The following CNNM2 variants were observed in gnomAD, a reference collection of about 807,000 sequenced individuals.
CNNM2 encodes metal transporter CNNM2.
CNNM2 carries 12 observed loss-of-function variants against 66.9 expected under a neutral mutation model. That is an observed-to-expected ratio of 0.18 (90% CI 0.11 to 0.29). The LOEUF (loss-of-function observed/expected upper bound fraction) is 0.29, where lower values mean the gene tolerates loss of function less well. Among genes scored for constraint, CNNM2 ranks in the 10% least tolerant of loss-of-function variants. The pLI is 1.00. For synonymous variants in CNNM2, 557 were observed against 501.8 expected, an observed-to-expected ratio of 1.11 and a Z score of -1.47; for missense variants, 705 against 1,167.7, an observed-to-expected ratio of 0.60 and a Z score of 5.77.
At chr10:102,981,515 G>A (rs540797938) in intron 1 of CNNM2, among the ~76,000 whole-genome samples, 7 of 151,502 alleles carry the variant, frequency 4.6e-5, no homozygotes, top group East Asian at 2.0e-4. Flanking sequence ...TCAGCCTCCC[G>A]AGTAGCTGGG....
chr10:102,995,172 C>A (rs1458373129), intron 1 of CNNM2, among the ~76,000 whole-genome samples: 58 of 4,992 alleles, frequency 0.012, no homozygotes, highest in Middle Eastern at 0.25. Context: ...TCCTCCTCCC[C>A]CTCTTCCTCC....
chr10:102,992,090 T>A (rs1388446408), intron 1 of CNNM2, among the ~76,000 whole-genome samples: 2 of 152,108 alleles, frequency 1.3e-5, no homozygotes, highest in African/African-American at 4.8e-5. Flanking sequence ...AACTACATAT[T>A]TGTGGACAAT....
chr10:103,002,629 G>A (rs536433220), intron 1 of CNNM2, among the ~76,000 whole-genome samples: 3 of 151,936 alleles, frequency 2.0e-5, no homozygotes, highest in South Asian at 2.1e-4. Flanking sequence ...ACAGGCATGC[G>A]CCACCACACC....
At chr10:103,066,312 C>T (rs1338692016) in intron 4 of CNNM2, among the ~76,000 whole-genome samples, 2 of 152,194 alleles carry the variant, frequency 1.3e-5, no homozygotes, top group Non-Finnish European at 2.9e-5. Flanking sequence ...GACCTTCTTT[C>T]TCCCACTCGT....
chr10:102,991,389 A>G (rs1271465851), intron 1 of CNNM2, among the ~76,000 whole-genome samples: 1 of 152,220 alleles, frequency 6.6e-6, no homozygotes, highest in Non-Finnish European at 1.5e-5. Context: ...ATGGAAGCAA[A>G]TAAGATATTG....
In CNNM2 at chr10:102,918,379, G is replaced by A; in HGVS notation, c.-102G>A. 2 of 1,519,054 alleles carry A rather than the reference G, an allele frequency of 1.3e-6. No individual in the cohort carries two copies. Among genetic ancestry groups the A allele is most frequent in the Non-Finnish European group, 1.8e-6 (2 of 1,140,108 alleles). The allele number at this position is 1,519,054 out of a possible 1,614,324, so 94.1% of individuals were successfully genotyped here. ...GTCAGTCAGGGAGGCGAACTGCTGA[G>A]CACTGGCCGCGGACGCTCCGTTGCA... On this transcript the variant is annotated 5_prime_UTR_variant, in exon 1 of 8. Coordinates refer to ENST00000369878, the MANE Select transcript of CNNM2 (RefSeq NM_017649.5). The surrounding 1 kb of genome is among the most constrained non-coding windows in gnomAD (Gnocchi z 4.1).
chr10:102,919,005 C>T lies in CNNM2; in HGVS notation c.525C>T (p.Ile175=). ...LNRRTSGIIE[I]EIKPLRKMEK... is the part of the protein sequence containing the mutation. ...GCCGCACCTCGGGCATCATCGAGAT[C>T]GAGATCAAACCGCTACGCAAGATGG... The change falls in exon 1 of 8, where the codon ATC becomes ATT. Residue 175 remains isoleucine (I), a synonymous_variant. Transcript: ENST00000369878. 6.2e-7 allele frequency: 1 copy of T among 1,612,812 alleles called. No homozygotes were observed. Among genetic ancestry groups the T allele is most frequent in the Non-Finnish European group, 8.5e-7 (1 of 1,179,530 alleles).
At chr10:103,056,369 C>T (rs972613511) in intron 3 of CNNM2, among the ~76,000 whole-genome samples, 11 of 152,056 alleles carry the variant, frequency 7.2e-5, no homozygotes, top group Admixed American at 2.0e-4. Context: ...GAGAGGGAGA[C>T]GTGGGGCACC....
At chr10:102,945,544 C>T (rs1022055261) in intron 1 of CNNM2, among the ~76,000 whole-genome samples, 1 of 152,012 alleles carries the variant, frequency 6.6e-6, no homozygotes, top group South Asian at 2.1e-4. Context: ...CTGCTCCCCC[C>T]ACTCCATCCC....
intron 1 of CNNM2, among the ~76,000 whole-genome samples, chr10:102,995,200 C>G (rs2063973444): frequency 4.7e-3 from 1 of 212 alleles, no homozygotes; most frequent in Admixed American, 0.1. Context: ...CCTCTTCCTC[C>G]TCCTTCCTCT....
chr10:102,931,986 A>T (rs1846080030), intron 1 of CNNM2, among the ~76,000 whole-genome samples: 1 of 152,068 alleles, frequency 6.6e-6, no homozygotes, highest in African/African-American at 2.4e-5. Flanking sequence ...CTTTGGAGAA[A>T]TGTCTATGCA....
At chr10:103,043,177 CG>C (rs1040895532) in intron 1 of CNNM2, among the ~76,000 whole-genome samples, 2 of 152,100 alleles carry the variant, frequency 1.3e-5, no homozygotes, top group African/African-American at 2.4e-5. Context: ...TTTCTCATGA[CG>C]GGGGTCTGTT....
At chr10:102,973,136 G>GTT (rs56922284) in intron 1 of CNNM2, among the ~76,000 whole-genome samples, 9 of 146,874 alleles carry the variant, frequency 6.1e-5, no homozygotes, top group African/African-American at 2.2e-4. Context: ...CATCAGTACG[G>GTT]TTTTTTTTTT....
chr10:103,005,264 T>C (rs2064203196), intron 1 of CNNM2, among the ~76,000 whole-genome samples: 1 of 152,176 alleles, frequency 6.6e-6, no homozygotes, highest in South Asian at 2.1e-4. Context: ...TTTTATTTGC[T>C]AGTTCATTCT....
chr10:102,954,855 A>G (rs1199086084), intron 1 of CNNM2, among the ~76,000 whole-genome samples: 1 of 152,184 alleles, frequency 6.6e-6, no homozygotes, highest in Non-Finnish European at 1.5e-5. Flanking sequence ...AAGGAAAACT[A>G]CAAACCACTG....
chr10:103,053,208 T>G (rs2065244006), intron 2 of CNNM2, among the ~76,000 whole-genome samples: 1 of 152,200 alleles, frequency 6.6e-6, no homozygotes, highest in Non-Finnish European at 1.5e-5. Flanking sequence ...GAGTGTCTTT[T>G]CACATCTTAA....
chr10:103,046,060 C>T lies in CNNM2; in HGVS notation c.1622-3647C>T, dbSNP rs117592602. Among the ~76,000 whole-genome samples the T allele has an allele frequency of 5.4e-3, 820 of 152,322 alleles. 8 individuals carry two copies. Among genetic ancestry groups the T allele is most frequent in the Non-Finnish European group, 8.9e-3 (605 of 68,032 alleles). ...TTTAGGAAAAACATTAATAAAATAA[C>T]GAGCATTACCACTTAGTGATCACCC... On this transcript the variant is annotated intron_variant, in intron 1 of 7. Transcript: ENST00000369878.
chr10:102,958,024 C>T (rs1389037424), intron 1 of CNNM2, among the ~76,000 whole-genome samples: 1 of 152,204 alleles, frequency 6.6e-6, no homozygotes, highest in Admixed American at 6.5e-5. Context: ...GCAACCTCCG[C>T]CTCCTGGGTT....
rs1218566915 is a variant in CNNM2, at chr10:103,068,697, C to T, written c.2142C>T (p.Gly714=). The change falls in exon 5 of 8, where the codon GGC becomes GGT. Residue 714 remains glycine, a synonymous_variant. Coordinates refer to ENST00000369878, the MANE Select transcript of CNNM2 (RefSeq NM_017649.5). ...KFEASAFSYY[G]VMALTASPVP... ...AAGCGAGCGCCTTCTCATACTATGG[C>T]GTGATGGCCCTGACAGCCTCTCCAG... is the stretch of plus-strand genomic sequence containing the variant. 1.2e-6 allele frequency: 2 copies of T among 1,612,844 alleles called. No homozygotes were observed. The highest frequency in any genetic ancestry group is 1.7e-6 in the Non-Finnish European group (2 of 1,179,478).
Sources: gnomAD v4.1 joint callset for allele counts (sites outside exome capture counted in the v4.1 genomes callset) on GRCh38, gnomAD v4.1.1 for gene constraint, Gnocchi (gnomAD v3.1) non-coding constraint, MANE v1.5 for transcripts, NCBI Gene and HGNC (gene_info 2026-07-23, HGNC 2026-07-21) for gene names.